Variants in FADS3 observed in about 807,000 individuals in gnomAD.
The protein encoded by FADS3 is fatty acid desaturase 3, also known as cytochrome b5-related protein.
FADS3 carries 30 observed loss-of-function variants against 60.4 expected under a neutral mutation model. That is an observed-to-expected ratio of 0.50 (90% CI 0.37 to 0.67). The LOEUF (loss-of-function observed/expected upper bound fraction) is 0.67, where lower values mean the gene tolerates loss of function less well. Among genes scored for constraint, FADS3 ranks in the 30% least tolerant of loss-of-function variants. The pLI is 0.00. For missense variants in FADS3, 432 were observed against 598.3 expected (o/e 0.72, Z 2.90); for synonymous variants, 234 against 249.3 (o/e 0.94, Z 0.58).
intron 6 of FADS3, 128 bp downstream of exon 6, chr11:61,878,027 T>C (rs543521670): frequency 2.5e-6 from 2 of 797,554 alleles, no homozygotes; most frequent in African/African-American, 1.7e-5. Context: ...GCTGGGAGGA[T>C]GCCATGACCA....
chr11:61,878,469 C>A (rs1270015594), intron 5 of FADS3, 43 bp downstream of exon 5: 2 of 1,601,126 alleles, frequency 1.2e-6, no homozygotes, highest in Non-Finnish European at 8.5e-7. Flanking sequence ...TCCCCCTCAG[C>A]TGCAGGCCCA....
chr11:61,874,752 ACGTCAG>A (rs1937805256), intron 11 of FADS3, among the ~76,000 whole-genome samples: 1 of 151,832 alleles, frequency 6.6e-6, no homozygotes, highest in Non-Finnish European at 1.5e-5. Context: ...CCCTGCTCAC[ACGTCAG>A]CCTGTCAATA....
Position 61,879,176 on chromosome 11 carries a change from T to C in FADS3, c.522+136A>G, listed in dbSNP as rs911552341. 11 of 819,520 alleles carry C rather than the reference T, an allele frequency of 1.3e-5. No homozygotes were observed. In the African/African-American group the frequency reaches 1.4e-4, roughly 10 times the overall value. The allele number at this position is 819,520 out of a possible 1,614,324, so 50.8% of individuals were successfully genotyped here. A position where few individuals can be genotyped will look rare whatever the true frequency, so the allele number is the denominator to read the frequency against. ...GATGGGCCTTCAGACTGTTCACTCATTCATCTGTTTATTCATCCATTCATC... is the reference window on the plus strand; with the variant it reads ...GATGGGCCTTCAGACTGTTCACTCACTCATCTGTTTATTCATCCATTCATC... On this transcript the variant is annotated intron_variant, in intron 3 of 11. Coordinates refer to ENST00000278829, the MANE Select transcript of FADS3 (RefSeq NM_021727.5).
Position 61,877,753 on chromosome 11 carries a change from C to G in FADS3, c.809-166G>C. ...ACCCCCAATTCTGTGTCCAAGCCTC[C>G]CCAGGCTGCCCTTACCCCACCACCT... On this transcript the variant is annotated intron_variant, in intron 6 of 11. Coordinates refer to ENST00000278829, the MANE Select transcript of FADS3 (RefSeq NM_021727.5). The surrounding 1 kb of genome is among the most constrained non-coding windows in gnomAD (Gnocchi z 4.7). 4.6e-6 allele frequency: 3 copies of G among 656,268 alleles called. No individual in the cohort carries two copies. The South Asian group carries it at 5.5e-5, about 12-fold the overall frequency. The allele number at this position is 656,268 out of a possible 1,614,324, so 40.7% of individuals were successfully genotyped here.
rs78355501 is a variant in FADS3, at chr11:61,874,897, T to C, written c.1286+954A>G. Among the ~76,000 whole-genome samples the C allele has an allele frequency of 1.2e-3, 189 of 152,316 alleles. 2 individuals carry two copies. In the East Asian group the frequency reaches 0.019, roughly 15 times the overall value. On this transcript the variant is annotated intron_variant, in intron 11 of 11. Transcript: ENST00000278829. ...TCTTCTGTAATGTACTTATTTGTTA[T>C]TTTAATTGCTTGCTGTTTCCTTTGC...
Position 61,878,147 on chromosome 11 carries a change from A to G in FADS3, c.808+8T>C, listed in dbSNP as rs756231247. 3.7e-6 allele frequency: 6 copies of G among 1,613,486 alleles called. No homozygotes were observed. The highest frequency in any genetic ancestry group is 1.7e-5 in the Admixed American group (1 of 60,006). On this transcript the variant is annotated splice_region_variant and intron_variant, in intron 6 of 11. Coordinates refer to ENST00000278829, the MANE Select transcript of FADS3 (RefSeq NM_021727.5). ...TCCCCCACCCCAGAAGGACAGATGG[A>G]CACTCACTCAGGAAGAAGTACAGGT...
intron 1 of FADS3, among the ~76,000 whole-genome samples, chr11:61,886,556 C>T (rs1295265999): frequency 6.6e-6 from 1 of 152,148 alleles, no homozygotes; most frequent in Non-Finnish European, 1.5e-5. Context: ...CAACCAACTC[C>T]TGTGGCCTCA....
Position 61,875,858 on chromosome 11 carries a change from T to A in FADS3, c.1279A>T (p.Ile427Phe). 1 of 1,612,582 alleles carries A rather than the reference T, an allele frequency of 6.2e-7. No homozygotes were observed. Among genetic ancestry groups the A allele is most frequent in the Non-Finnish European group, 8.5e-7 (1 of 1,179,228 alleles). The change falls in exon 11 of 12, where the codon ATC becomes TTC. Residue 427 changes from isoleucine (I) to phenylalanine (F), a missense_variant. Ile to Phe is a conservative substitution (Grantham distance 21). Transcript: ENST00000278829. The stretch of plus-strand genomic sequence containing the variant: ...GCCGGGCTGCAGCCTCACCTGACGA[T>A]GTCCACCAGCGCGGTGAGGAAGGGC... ...VKPFLTALVD[I>F]VRSLKKSGDI...
chr11:61,876,166 G>A lies in FADS3; in HGVS notation c.1105C>T (p.Pro369Ser), dbSNP rs763767346. 1 of 1,605,468 alleles carries A rather than the reference G, an allele frequency of 6.2e-7. No homozygotes were observed. Among genetic ancestry groups the A allele is most frequent in the Non-Finnish European group, 8.5e-7 (1 of 1,176,334 alleles). The change falls in exon 10 of 12, where the codon CCC (proline) becomes TCC (serine). Residue 369 changes from proline (P) to serine (S), a missense_variant. Pro to Ser is a moderately conservative substitution (Grantham distance 74, BLOSUM62 -1). This residue lies in a region of FADS3 where 48 missense variants were observed against 101.3 expected (regional missense o/e 0.47). Coordinates refer to ENST00000278829, the MANE Select transcript of FADS3 (RefSeq NM_021727.5). This position sits in a 1 kb window ranked among gnomAD's most constrained non-coding sequence, Gnocchi z 5.7. ...SQLAATCNVE[P>S]SLFTNWFSGH... ...CTGAACCAGTTGGTGAAAAGTGAGG[G>A]CTCCACGTTGCAGGTGGCTGCCAGC...
At chr11:61,889,635 A>G (rs542507038) in intron 1 of FADS3, among the ~76,000 whole-genome samples, 96 of 152,214 alleles carry the variant, frequency 6.3e-4, no homozygotes, top group African/African-American at 2.3e-3. Flanking sequence ...TGGCAGAGCA[A>G]GACTCTGTCT....
In FADS3 at chr11:61,880,080, C is replaced by T; in HGVS notation, c.285G>A (p.Glu95=). 1 of 1,614,142 alleles carries T rather than the reference C, an allele frequency of 6.2e-7. No individual in the cohort carries two copies. ...CCTGGCTGGGTTCTTCCGGAGCCAG[C>T]TCTCCAATCAACAGGGGCTGTAGGA... ...RKFLQPLLIG[E]LAPEEPSQDG... Residue 95 remains glutamate, a synonymous_variant, in exon 2 of 12, where the codon GAG becomes GAA. Coordinates refer to ENST00000278829, the MANE Select transcript of FADS3 (RefSeq NM_021727.5).
At chr11:61,886,648 C>T (rs887476659) in intron 1 of FADS3, among the ~76,000 whole-genome samples, 1 of 152,088 alleles carries the variant, frequency 6.6e-6, no homozygotes, top group African/African-American at 2.4e-5. Context: ...TACAAAGGCC[C>T]TACCCTTCAA....
chr11:61,880,053 A>G lies in FADS3; in HGVS notation c.312T>C (p.Asp104=), dbSNP rs1938071050. 6.2e-7 allele frequency: 1 copy of G among 1,613,740 alleles called. No homozygotes were observed. The highest frequency in any genetic ancestry group is 1.7e-5 in the Admixed American group (1 of 59,998). The change falls in exon 2 of 12, where the codon GAT becomes GAC. Residue 104 remains aspartate (D), a synonymous_variant. Transcript: ENST00000278829. The stretch of plus-strand genomic sequence containing the variant: ...GGCTCTGGCTCACATTCAGGGGTCC[A>G]TCCTGGCTGGGTTCTTCCGGAGCCA... ...GELAPEEPSQ[D]GPLNAQLVED...
intron 3 of FADS3, among the ~76,000 whole-genome samples, 156 bp from the exon 4 acceptor site, chr11:61,879,003 T>G (rs1265036931): frequency 6.6e-6 from 1 of 152,174 alleles, no homozygotes; most frequent in Non-Finnish European, 1.5e-5. Flanking sequence ...AGATGAGAAC[T>G]GAGTCCCAGG....
At position 61,876,615 on chromosome 11, in the gene FADS3, A is replaced by G; in HGVS notation, c.984-160T>C. 1 of 679,382 alleles carries G rather than the reference A, an allele frequency of 1.5e-6. No individual in the cohort carries two copies. The highest frequency in any genetic ancestry group is 2.6e-6 in the Non-Finnish European group (1 of 384,226). The allele number at this position is 679,382 out of a possible 1,614,324, so 42.1% of individuals were successfully genotyped here. On this transcript the variant is annotated intron_variant, in intron 8 of 11. Coordinates refer to ENST00000278829, the MANE Select transcript of FADS3 (RefSeq NM_021727.5). This position sits in a 1 kb window ranked among gnomAD's most constrained non-coding sequence, Gnocchi z 5.7. ...GCCAGTGTTTAAAGAATCTGAATGG[A>G]GCAGTGTCCACTGTGAGGCTGAGTC...
At chr11:61,884,474 A>G (rs1938241428) in intron 1 of FADS3, among the ~76,000 whole-genome samples, 1 of 152,216 alleles carries the variant, frequency 6.6e-6, no homozygotes, top group Non-Finnish European at 1.5e-5. Context: ...TAAAGTGAAG[A>G]AAACAAAAAC....
chr11:61,884,138 G>T (rs1391161295), intron 1 of FADS3, among the ~76,000 whole-genome samples: 3 of 152,186 alleles, frequency 2.0e-5, no homozygotes, highest in Non-Finnish European at 4.4e-5. Context: ...GGATGGGGGT[G>T]CCAGGCAGAA....
chr11:61,891,726 C>T (rs1386117816), upstream of FADS3: 1 of 152,996 alleles, frequency 6.5e-6, no homozygotes. Context: ...CGAGGCGGCC[C>T]GCCCCTCCCG....
At chr11:61,878,284 G>C (rs769363037) in intron 5 of FADS3, 69 bp from the exon 6 acceptor site, 1 of 1,516,974 alleles carries the variant, frequency 6.6e-7, no homozygotes, top group Non-Finnish European at 9.1e-7. Context: ...GCAAGGTCAC[G>C]GGGCTGGCTG....
Sources: allele counts gnomAD v4.1 joint callset (sites outside exome capture counted in the v4.1 genomes callset), GRCh38; gene constraint gnomAD v4.1.1; regional missense constraint gnomAD v4.1.1; non-coding constraint Gnocchi (gnomAD v3.1); transcripts MANE v1.5; gene names NCBI Gene and HGNC (gene_info 2026-07-23, HGNC 2026-07-21).